The following GRIP1 variants were observed in gnomAD, a reference collection of about 807,000 sequenced individuals.
GRIP1 encodes the protein glutamate receptor interacting protein 1.
A neutral mutation model predicts 129.9 loss-of-function variants in GRIP1; 45 were observed. That is an observed-to-expected ratio of 0.35 (90% CI 0.27 to 0.44). GRIP1 has a LOEUF of 0.44. Ranked by LOEUF, GRIP1 falls within the 20% of genes least tolerant of loss-of-function variation. The pLI is 1.00. For missense variants in GRIP1, 1,196 were observed against 1,396.8 expected (o/e 0.86, Z 2.29); for synonymous variants, 530 against 520.8 (o/e 1.02, Z -0.24).
At chr12:66,503,800 G>A (rs901538482) in intron 7 of GRIP1, among the ~76,000 whole-genome samples, 27 of 152,300 alleles carry the variant, frequency 1.8e-4, no homozygotes, top group African/African-American at 6.3e-4. Context: ...CAGTGGCTAT[G>A]AAGAGAGAGA....
rs188520700 is a variant in GRIP1 at position 66,576,165 on chromosome 12, A to T, written c.136+20682T>A. On this transcript the variant is annotated intron_variant, in intron 2 of 24. Transcript: ENST00000359742. ...TGAAGAATAAGGAAGGTAAACCACC[A>T]CCATATAGAAAGATAATATACACTA... Among the ~76,000 whole-genome samples, 512 of 152,320 alleles carry T rather than the reference A, an allele frequency of 3.4e-3. 1 individual carries two copies. Among genetic ancestry groups the T allele is most frequent in the African/African-American group, 0.012 (496 of 41,576 alleles).
chr12:66,885,332 G>A (rs1284618763), intron 1 of GRIP1, among the ~76,000 whole-genome samples: 5 of 152,212 alleles, frequency 3.3e-5, no homozygotes, highest in African/African-American at 1.2e-4. Flanking sequence ...GCAGAGCAGG[G>A]AGGGGAGCTG....
chr12:67,057,236 G>A (rs1250144849), intron 1 of GRIP1, among the ~76,000 whole-genome samples: 1 of 152,072 alleles, frequency 6.6e-6, no homozygotes. Flanking sequence ...TCATAAGGGT[G>A]TGCCCTGATC....
chr12:66,771,626 A>G (rs1476481741), intron 1 of GRIP1, among the ~76,000 whole-genome samples: 1 of 152,226 alleles, frequency 6.6e-6, no homozygotes, highest in Non-Finnish European at 1.5e-5. Context: ...GGAATGAGTC[A>G]GTTCTTAGGC....
At chr12:66,485,672 T>C (rs900005564) in intron 7 of GRIP1, among the ~76,000 whole-genome samples, 2 of 151,976 alleles carry the variant, frequency 1.3e-5, no homozygotes, top group Non-Finnish European at 2.9e-5. Context: ...TGCTTTTTTT[T>C]ACAGGTTTCA....
intron 1 of GRIP1, among the ~76,000 whole-genome samples, chr12:66,718,492 A>C (rs10506492): frequency 0.062 from 9,454 of 152,270 alleles, 348 homozygotes; most frequent in East Asian, 0.11. Context: ...ATGATCAATT[A>C]AGTTTGAGAA....
At chr12:66,947,573 T>C (rs2041692517) in intron 1 of GRIP1, among the ~76,000 whole-genome samples, 1 of 152,216 alleles carries the variant, frequency 6.6e-6, no homozygotes, top group Non-Finnish European at 1.5e-5. Flanking sequence ...GTTTAGCTTG[T>C]GGATGTGACA....
At chr12:66,438,870 T>C (rs953784311) in intron 13 of GRIP1, among the ~76,000 whole-genome samples, 1 of 152,066 alleles carries the variant, frequency 6.6e-6, no homozygotes, top group Non-Finnish European at 1.5e-5. Context: ...TGTACATTCA[T>C]AAACAAAACC....
intron 1 of GRIP1, among the ~76,000 whole-genome samples, chr12:66,702,415 C>G (rs2035380754): frequency 6.6e-6 from 1 of 152,064 alleles, no homozygotes; most frequent in Admixed American, 6.6e-5. Context: ...AGTTTTCAGT[C>G]AGTTTAAATA....
chr12:66,429,783 T>C (rs756485515), intron 14 of GRIP1, among the ~76,000 whole-genome samples: 10 of 152,306 alleles, frequency 6.6e-5, no homozygotes, highest in Non-Finnish European at 1.2e-4. Context: ...TCATTAATGT[T>C]TGTTAGGGTT....
chr12:66,986,328 G>C (rs969824341), intron 1 of GRIP1, among the ~76,000 whole-genome samples: 1 of 151,966 alleles, frequency 6.6e-6, no homozygotes, highest in Admixed American at 6.6e-5. Context: ...CCATTACTGG[G>C]TATATACCTA....
chr12:66,552,071 G>C (rs558572439), intron 2 of GRIP1, among the ~76,000 whole-genome samples: 1 of 152,296 alleles, frequency 6.6e-6, no homozygotes, highest in East Asian at 1.9e-4. Context: ...AGGTAAGGCT[G>C]CACTACAGCT....
chr12:66,675,797 C>T (rs532850333), intron 1 of GRIP1, among the ~76,000 whole-genome samples: 75 of 152,170 alleles, frequency 4.9e-4, no homozygotes, highest in Non-Finnish European at 7.6e-4. Context: ...ATGCTTTTGA[C>T]GGTGCTTGGT....
chr12:66,679,214 T>C (rs1024975061), upstream of GRIP1: 3 of 1,075,060 alleles, frequency 2.8e-6, no homozygotes, highest in Admixed American at 3.3e-5. Flanking sequence ...GGGACGACAC[T>C]GTGTGAGGAG....
At chr12:66,941,427 A>G (rs2137448580) in intron 1 of GRIP1, among the ~76,000 whole-genome samples, 1 of 152,330 alleles carries the variant, frequency 6.6e-6, no homozygotes, top group Admixed American at 6.5e-5. Context: ...CCCCTTTTAT[A>G]AGGTCACTGT....
At chr12:66,588,694 G>C (rs2063732167) in intron 2 of GRIP1, among the ~76,000 whole-genome samples, 1 of 152,000 alleles carries the variant, frequency 6.6e-6, no homozygotes, top group South Asian at 2.1e-4. Flanking sequence ...TTGCTGGTGG[G>C]GTGCAGTGGC....
chr12:66,874,465 A>G (rs760605792), intron 1 of GRIP1, among the ~76,000 whole-genome samples: 2 of 152,030 alleles, frequency 1.3e-5, no homozygotes, highest in Non-Finnish European at 2.9e-5. Context: ...TTGCATTGCT[A>G]TAAAGAAATA....
At chr12:66,899,864 T>C (rs2040817073) in intron 1 of GRIP1, among the ~76,000 whole-genome samples, 1 of 152,174 alleles carries the variant, frequency 6.6e-6, no homozygotes, top group South Asian at 2.1e-4. Context: ...ACAGCAGAAA[T>C]AGCTGTGAAT....
chr12:66,920,402 C>A (rs990497966), intron 1 of GRIP1, among the ~76,000 whole-genome samples: 3 of 152,128 alleles, frequency 2.0e-5, no homozygotes, highest in African/African-American at 7.2e-5. Flanking sequence ...AAACAACCAC[C>A]TGATTATATC....
Sources: allele counts gnomAD v4.1 joint callset (sites outside exome capture counted in the v4.1 genomes callset), GRCh38; gene constraint gnomAD v4.1.1; transcripts MANE v1.5; gene names NCBI Gene and HGNC (gene_info 2026-07-23, HGNC 2026-07-21).